ASTN2: variants seen among roughly 807,000 people sequenced by gnomAD.
The protein encoded by ASTN2 is astrotactin-2.
A neutral mutation model predicts 139.8 loss-of-function variants in ASTN2; 54 were observed. The ratio of observed to expected loss-of-function variants is 0.39; its 90% CI spans 0.31 to 0.48. The LOEUF (loss-of-function observed/expected upper bound fraction) is 0.48. Ranked by LOEUF, ASTN2 falls within the 20% of genes least tolerant of loss-of-function variation. The pLI is 0.95. For synonymous variants in ASTN2, 756 were observed against 719.5 expected, an observed-to-expected ratio of 1.05 and a Z score of -0.81; for missense variants, 1,565 against 1,725.1, an observed-to-expected ratio of 0.91 and a Z score of 1.64.
chr9:116,783,221 T>A (rs1424606179), intron 13 of ASTN2, among the ~76,000 whole-genome samples: 1 of 149,156 alleles, frequency 6.7e-6, no homozygotes, highest in African/African-American at 2.5e-5. Flanking sequence ...AAACAGTTCC[T>A]TTTTTTTTTA....
At chr9:116,918,878 G>T (rs1416389622) in intron 10 of ASTN2, among the ~76,000 whole-genome samples, 1 of 152,106 alleles carries the variant, frequency 6.6e-6, no homozygotes, top group African/African-American at 2.4e-5. Context: ...ATTTATATGT[G>T]CCTGGGGTTT....
chr9:117,185,129 G>A (rs1009721273), intron 3 of ASTN2, among the ~76,000 whole-genome samples: 4 of 152,058 alleles, frequency 2.6e-5, no homozygotes, highest in African/African-American at 9.7e-5. Flanking sequence ...TTATAGATTG[G>A]CTTTGGTTTA....
chr9:116,825,080 G>C (rs918273991), intron 11 of ASTN2, among the ~76,000 whole-genome samples: 1 of 152,200 alleles, frequency 6.6e-6, no homozygotes, highest in Non-Finnish European at 1.5e-5. Flanking sequence ...ACTGTCACTT[G>C]CTTGCCTCGT....
intron 6 of ASTN2, among the ~76,000 whole-genome samples, chr9:117,029,217 A>G (rs1313312061): frequency 6.6e-6 from 1 of 152,170 alleles, no homozygotes; most frequent in Non-Finnish European, 1.5e-5. Context: ...ACAAGGTAAT[A>G]CCTTGCAAAG....
chr9:117,028,243 A>G (rs564700376), intron 6 of ASTN2, among the ~76,000 whole-genome samples: 1 of 152,278 alleles, frequency 6.6e-6, no homozygotes, highest in South Asian at 2.1e-4. Context: ...GGCTCTGGGG[A>G]TCACTCCAGC....
chr9:116,814,203 C>A (rs922340139), intron 12 of ASTN2, among the ~76,000 whole-genome samples: 3 of 152,034 alleles, frequency 2.0e-5, no homozygotes, highest in Non-Finnish European at 4.4e-5. Flanking sequence ...AGTGCAGAAA[C>A]CTGTGAAAAC....
chr9:117,207,990 A>G (rs1421222375), intron 3 of ASTN2, among the ~76,000 whole-genome samples: 1 of 152,186 alleles, frequency 6.6e-6, no homozygotes, highest in Non-Finnish European at 1.5e-5. Context: ...ACACCTCAAG[A>G]CCAAGTTATA....
At chr9:116,533,777 A>G (rs945526342) in intron 19 of ASTN2, among the ~76,000 whole-genome samples, 2 of 152,184 alleles carry the variant, frequency 1.3e-5, no homozygotes, top group Non-Finnish European at 2.9e-5. Flanking sequence ...ATTTTATTGA[A>G]GATTTTTGCA....
intron 10 of ASTN2, among the ~76,000 whole-genome samples, chr9:116,911,790 G>C (rs1349886549): frequency 6.6e-6 from 1 of 152,126 alleles, no homozygotes; most frequent in Non-Finnish European, 1.5e-5. Flanking sequence ...TGTTGTCTGG[G>C]AGGCTGAGGC....
chr9:116,686,425 C>T (rs1258822725), intron 16 of ASTN2, among the ~76,000 whole-genome samples: 1 of 152,160 alleles, frequency 6.6e-6, no homozygotes, highest in Non-Finnish European at 1.5e-5. Context: ...GGTCACATAG[C>T]TAAGGGGAAT....
intron 6 of ASTN2, among the ~76,000 whole-genome samples, chr9:117,032,239 C>T (rs1838267558): frequency 6.6e-6 from 1 of 152,048 alleles, no homozygotes; most frequent in Admixed American, 6.6e-5. Flanking sequence ...ATGGGTGAGA[C>T]TGCCATATAT....
At chr9:116,605,854 CTT>C (rs1855166471) in intron 19 of ASTN2, among the ~76,000 whole-genome samples, 1 of 152,104 alleles carries the variant, frequency 6.6e-6, no homozygotes, top group Non-Finnish European at 1.5e-5. Context: ...AGTGAAAAAT[CTT>C]TGAATGTAGT....
At chr9:116,640,597 A>T (rs1474981695) in intron 17 of ASTN2, among the ~76,000 whole-genome samples, 18 of 152,214 alleles carry the variant, frequency 1.2e-4, no homozygotes, top group Admixed American at 1.1e-3. Flanking sequence ...AACTAGAAGA[A>T]GATCACTATG....
chr9:116,877,002 G>A (rs977071401), intron 10 of ASTN2, among the ~76,000 whole-genome samples: 1 of 152,098 alleles, frequency 6.6e-6, no homozygotes, highest in African/African-American at 2.4e-5. Flanking sequence ...ACAGTTGTTG[G>A]GACAAGTAAG....
At chr9:116,859,255 C>T (rs1194219035) in intron 11 of ASTN2, among the ~76,000 whole-genome samples, 1 of 152,208 alleles carries the variant, frequency 6.6e-6, no homozygotes, top group Non-Finnish European at 1.5e-5. Flanking sequence ...ACATACCAGT[C>T]ACAGGTTCTG....
chr9:117,285,875 C>T (rs1225325566), intron 2 of ASTN2, among the ~76,000 whole-genome samples: 3 of 152,172 alleles, frequency 2.0e-5, no homozygotes, highest in South Asian at 4.1e-4. Context: ...CTGAGAGAAA[C>T]ATGCCCTCAA....
At chr9:116,866,863 A>G (rs1833024390) in intron 10 of ASTN2, among the ~76,000 whole-genome samples, 1 of 140,860 alleles carries the variant, frequency 7.1e-6, no homozygotes, top group African/African-American at 2.7e-5. Flanking sequence ...ACGGCACTCT[A>G]GCCTAGGTGA....
intron 19 of ASTN2, 77 bp downstream of exon 19, chr9:116,618,247 T>C (rs1426149714): frequency 8.2e-6 from 12 of 1,458,526 alleles, no homozygotes; most frequent in Non-Finnish European, 1.0e-5. Context: ...TGAGACCAAG[T>C]CTCCAAAGAC....
chr9:117,284,492 C>T (rs1188736299), intron 2 of ASTN2, among the ~76,000 whole-genome samples: 3 of 152,192 alleles, frequency 2.0e-5, no homozygotes, highest in Non-Finnish European at 4.4e-5. Context: ...AGTTCTGCTG[C>T]CATAAGCCAA....
Sources: gnomAD v4.1 joint callset for allele counts (sites outside exome capture counted in the v4.1 genomes callset) on GRCh38, gnomAD v4.1.1 for gene constraint, MANE v1.5 for transcripts, NCBI Gene and HGNC (gene_info 2026-07-23, HGNC 2026-07-21) for gene names.